Variants in ZGRF1 observed in about 807,000 individuals in gnomAD.
ZGRF1 encodes the protein 5'-3' DNA helicase ZGRF1.
In ZGRF1, 196 loss-of-function variants were observed where a neutral mutation model predicts 203.5. That is an observed-to-expected ratio of 0.96 (90% CI 0.86 to 1.08). ZGRF1 has a LOEUF of 1.08. ZGRF1 is among the 50% of genes least tolerant of loss of function. The probability of loss-of-function intolerance (pLI) is 0.00; values close to 1 mark genes in which losing one functional copy is unlikely to be tolerated. For missense variants in ZGRF1, 2,326 were observed against 2,416.3 expected (o/e 0.96, Z 0.78); for synonymous variants, 809 against 841.3 (o/e 0.96, Z 0.66).
At chr4:112,593,384 G>A (rs543057330) in intron 10 of ZGRF1, among the ~76,000 whole-genome samples, 2 of 152,184 alleles carry the variant, frequency 1.3e-5, no homozygotes, top group African/African-American at 2.4e-5. Context: ...TGGTTTCTCC[G>A]CTTCTACCAC....
chr4:112,609,140 G>A (rs1751207462), intron 8 of ZGRF1, among the ~76,000 whole-genome samples: 3 of 151,200 alleles, frequency 2.0e-5, no homozygotes, highest in African/African-American at 7.3e-5. Flanking sequence ...TGCAAGCTCC[G>A]CCTCCCGGGT....
intron 16 of ZGRF1, among the ~76,000 whole-genome samples, chr4:112,571,221 G>C (rs531013893): frequency 6.6e-6 from 1 of 151,768 alleles, no homozygotes; most frequent in African/African-American, 2.4e-5. Flanking sequence ...AAAAAGAACA[G>C]TATACTATCC....
chr4:112,609,837 T>A (rs113848909), intron 7 of ZGRF1, among the ~76,000 whole-genome samples: 3 of 151,458 alleles, frequency 2.0e-5, no homozygotes, highest in African/African-American at 7.3e-5. Flanking sequence ...TAGAACACCA[T>A]CACTAATATG....
chr4:112,606,814 A>G (rs1413387950), intron 8 of ZGRF1, among the ~76,000 whole-genome samples: 3 of 152,210 alleles, frequency 2.0e-5, no homozygotes, highest in African/African-American at 4.8e-5. Flanking sequence ...TGAAGAATGA[A>G]TCATCTCCTA....
At chr4:112,548,218 G>A in intron 23 of ZGRF1, 35 bp downstream of exon 23, 1 of 1,549,134 alleles carries the variant, frequency 6.5e-7, no homozygotes, top group South Asian at 1.2e-5. Flanking sequence ...TAGGATTACA[G>A]GTATTACCCC....
chr4:112,557,092 A>G (rs148761316), intron 20 of ZGRF1, among the ~76,000 whole-genome samples: 16 of 152,238 alleles, frequency 1.1e-4, no homozygotes, highest in South Asian at 6.2e-4. Context: ...CCATTTTACT[A>G]TTATGTATTC....
At position 112,558,181 on chromosome 4, in the gene ZGRF1, T is replaced by A. The variant is rs991608096; in HGVS notation, c.5089A>T (p.Thr1697Ser). The A allele has an allele frequency of 6.8e-6, 11 of 1,608,360 alleles. 2 individuals carry two copies. The South Asian group carries it at 1.2e-4, about 18-fold the overall frequency. ...AGTACTCTGTCAACAGCCACATTAGTAGAAGAAGAAATCAGAAGTTTCCAC... is the reference window on the plus strand; with the variant it reads ...AGTACTCTGTCAACAGCCACATTAGAAGAAGAAGAAATCAGAAGTTTCCAC... ...RPWKLLISSSTNVAVDRVLLG... is the reference protein window; with the variant it reads ...RPWKLLISSSSNVAVDRVLLG... Residue 1697 changes from threonine (T) to serine (S), a missense_variant, in exon 20 of 28, where the codon ACT (threonine) becomes TCT (serine). By Grantham distance (58) the Thr-to-Ser change is moderately conservative. Coordinates refer to ENST00000505019, the MANE Select transcript of ZGRF1 (RefSeq NM_018392.5).
intron 16 of ZGRF1, chr4:112,564,907 G>A (rs576502152): frequency 2.2e-5 from 15 of 673,704 alleles, no homozygotes; most frequent in East Asian, 1.9e-4. Context: ...CGCCGCCGTC[G>A]CTCTCCAACG....
intron 3 of ZGRF1, among the ~76,000 whole-genome samples, chr4:112,624,433 G>A (rs370424177): frequency 6.6e-6 from 1 of 151,648 alleles, no homozygotes; most frequent in Non-Finnish European, 1.5e-5. Context: ...TTCCAGCCTA[G>A]GCAACAGAGT....
intron 15 of ZGRF1, among the ~76,000 whole-genome samples, chr4:112,582,290 T>C (rs978544601): frequency 6.4e-5 from 3 of 47,192 alleles, no homozygotes; most frequent in African/African-American, 1.8e-4. Flanking sequence ...CTGTATTCCT[T>C]TTTTTTTTTT....
chr4:112,560,308 C>T (rs1741723943), intron 19 of ZGRF1, among the ~76,000 whole-genome samples: 1 of 152,130 alleles, frequency 6.6e-6, no homozygotes, highest in Non-Finnish European at 1.5e-5. Context: ...CTGTTATGAC[C>T]TCCATTTCCT....
At chr4:112,565,025 G>A in intron 16 of ZGRF1, 2 of 998,514 alleles carry the variant, frequency 2.0e-6, no homozygotes, top group Non-Finnish European at 3.2e-6. Context: ...AAATCAACCG[G>A]TGGTAAACCA....
At chr4:112,565,202 T>C in intron 16 of ZGRF1, 1 of 1,574,304 alleles carries the variant, frequency 6.4e-7, no homozygotes, top group Non-Finnish European at 8.7e-7. Flanking sequence ...CAGCGTCTGG[T>C]GCGAGAAATT....
intron 9 of ZGRF1, among the ~76,000 whole-genome samples, chr4:112,604,920 G>A (rs1750542623): frequency 6.6e-6 from 1 of 152,130 alleles, no homozygotes; most frequent in African/African-American, 2.4e-5. Context: ...CAAAATGACA[G>A]TAATATATAA....
chr4:112,604,155 T>TGC (rs1288793435), intron 9 of ZGRF1, among the ~76,000 whole-genome samples: 1 of 151,220 alleles, frequency 6.6e-6, no homozygotes, highest in Non-Finnish European at 1.5e-5. Context: ...ACCAAGGAGT[T>TGC]GGAGGTTGCA....
intron 10 of ZGRF1, among the ~76,000 whole-genome samples, chr4:112,597,973 C>G (rs1269990300): frequency 1.3e-5 from 2 of 150,772 alleles, no homozygotes; most frequent in Non-Finnish European, 3.0e-5. Context: ...AACTATCAAT[C>G]AAGTATGAAA....
intron 16 of ZGRF1, among the ~76,000 whole-genome samples, chr4:112,570,409 T>C (rs910275251): frequency 6.6e-6 from 1 of 151,988 alleles, no homozygotes; most frequent in Non-Finnish European, 1.5e-5. Context: ...GCCAACATGG[T>C]GAAAACCTGT....
chr4:112,569,410 T>A (rs1378856791), intron 16 of ZGRF1, among the ~76,000 whole-genome samples: 1 of 152,202 alleles, frequency 6.6e-6, no homozygotes, highest in Non-Finnish European at 1.5e-5. Context: ...ATGATATAGA[T>A]GATTTACATT....
At chr4:112,558,440 T>C in intron 19 of ZGRF1, 131 bp from the exon 20 acceptor site, 1 of 673,374 alleles carries the variant, frequency 1.5e-6, no homozygotes, top group Non-Finnish European at 2.2e-6. Flanking sequence ...CAATCTCAGC[T>C]CACTGTAACC....
Sources: allele counts gnomAD v4.1 joint callset (sites outside exome capture counted in the v4.1 genomes callset), GRCh38; gene constraint gnomAD v4.1.1; transcripts MANE v1.5; gene names NCBI Gene and HGNC (gene_info 2026-07-23, HGNC 2026-07-21).